BTBD9: variants seen among roughly 807,000 people sequenced by gnomAD.
BTBD9 encodes the protein BTB domain containing 9.
In BTBD9, 49 loss-of-function variants were observed where a neutral mutation model predicts 64.3. The ratio of observed to expected loss-of-function variants is 0.76; its 90% CI spans 0.61 to 0.97. The LOEUF is 0.97. BTBD9 is among the 50% of genes least tolerant of loss of function. BTBD9 has a pLI of 0.00. For missense variants in BTBD9, 598 were observed against 762.1 expected (o/e 0.78, Z 2.53); for synonymous variants, 260 against 274.7 (o/e 0.95, Z 0.53).
chr6:38,632,461 A>C (rs945900494), intron 1 of BTBD9, among the ~76,000 whole-genome samples: 4 of 152,262 alleles, frequency 2.6e-5, no homozygotes, highest in African/African-American at 9.6e-5. Context: ...GGAGGAAATA[A>C]GTAATGTGCA....
chr6:38,594,002 C>A lies in BTBD9; in HGVS notation c.511G>T (p.Glu171Ter). Residue 171 changes from glutamate (E) to a stop codon, truncating the protein, a stop_gained, in exon 3 of 11, where the codon GAA becomes TAA. Transcript: ENST00000481247. LOFTEE classifies it high-confidence loss of function. ...AGGAAACCTTCACTTGAGAGGACTT[C>A]CTGAGCATTCCTATCCATAAACATG... ...CCMFMDRNAQEVLSSEGFLSL... is the reference protein window; with the variant it reads ...CCMFMDRNAQ 6.2e-7 allele frequency: 1 copy of A among 1,614,004 alleles called. No individual in the cohort carries two copies. Among genetic ancestry groups the A allele is most frequent in the Non-Finnish European group, 8.5e-7 (1 of 1,179,952 alleles).
At chr6:38,565,546 T>G (rs532034803) in intron 6 of BTBD9, among the ~76,000 whole-genome samples, 59 of 150,644 alleles carry the variant, frequency 3.9e-4, no homozygotes, top group Non-Finnish European at 7.5e-4. Flanking sequence ...AATTGTGATA[T>G]CTATCAACAA....
At chr6:38,254,713 T>C (rs1764516367) in intron 9 of BTBD9, among the ~76,000 whole-genome samples, 1 of 152,182 alleles carries the variant, frequency 6.6e-6, no homozygotes, top group African/African-American at 2.4e-5. Flanking sequence ...CATAATGATA[T>C]GCTACTTCGT....
intron 10 of BTBD9, among the ~76,000 whole-genome samples, chr6:38,189,428 A>C (rs1008373599): frequency 4.6e-5 from 7 of 152,358 alleles, no homozygotes; most frequent in Admixed American, 1.3e-4. Context: ...AGTATGCTGC[A>C]GTAAAGAACA....
intron 8 of BTBD9, among the ~76,000 whole-genome samples, chr6:38,261,401 A>ATTT (rs1157961680): frequency 2.6e-5 from 4 of 152,068 alleles, no homozygotes; most frequent in Non-Finnish European, 5.9e-5. Context: ...ATCTATACCA[A>ATTT]TTTATATTAA....
chr6:38,494,279 C>G (rs1288610713), intron 6 of BTBD9, among the ~76,000 whole-genome samples: 3 of 152,170 alleles, frequency 2.0e-5, no homozygotes, highest in Non-Finnish European at 4.4e-5. Flanking sequence ...CACATATTTT[C>G]AATATCAAAC....
chr6:38,356,117 T>A (rs912786786), intron 6 of BTBD9, among the ~76,000 whole-genome samples: 1 of 152,188 alleles, frequency 6.6e-6, no homozygotes, highest in Non-Finnish European at 1.5e-5. Context: ...AACCATGTCC[T>A]GCTCTTGGAG....
At chr6:38,361,524 C>G in intron 6 of BTBD9, among the ~76,000 whole-genome samples, 1 of 151,694 alleles carries the variant, frequency 6.6e-6, no homozygotes, top group East Asian at 1.9e-4. Context: ...GCCTGGGTAA[C>G]AGAACGAGAC....
At chr6:38,230,722 C>A (rs1435539781) in intron 9 of BTBD9, among the ~76,000 whole-genome samples, 1 of 152,138 alleles carries the variant, frequency 6.6e-6, no homozygotes, top group Non-Finnish European at 1.5e-5. Flanking sequence ...TGCACACATA[C>A]CATGTTAATT....
intron 6 of BTBD9, among the ~76,000 whole-genome samples, chr6:38,362,641 G>C (rs547234036): frequency 6.6e-6 from 1 of 152,290 alleles, no homozygotes; most frequent in South Asian, 2.1e-4. Context: ...CAATTAGACA[G>C]TGTTTCTTTC....
rs115562400 is a variant in BTBD9, at chr6:38,182,452, G to C, written c.1642-7270C>G. ...GAAACAAAAAAAGGGAAGTGTTCTT[G>C]TTCGCAGGCTTCTGGGATGCCTGAA... On this transcript the variant is annotated intron_variant, in intron 10 of 10. Coordinates refer to ENST00000481247, the MANE Select transcript of BTBD9 (RefSeq NM_001099272.2). 9.1e-3 allele frequency among the ~76,000 whole-genome samples: 1,383 copies of C among 152,286 alleles called. 23 individuals carry two copies. The highest frequency in any genetic ancestry group is 0.032 in the African/African-American group (1,316 of 41,546).
chr6:38,501,192 C>T (rs940156381), intron 6 of BTBD9, among the ~76,000 whole-genome samples: 5 of 152,112 alleles, frequency 3.3e-5, no homozygotes, highest in Admixed American at 6.5e-5. Flanking sequence ...ACACCTGACG[C>T]GAGTGTTAGT....
chr6:38,542,840 T>C (rs902092106), intron 6 of BTBD9, among the ~76,000 whole-genome samples: 2 of 152,222 alleles, frequency 1.3e-5, no homozygotes, highest in African/African-American at 4.8e-5. Context: ...AATGCAATCT[T>C]ATTTTGCTTA....
intron 6 of BTBD9, among the ~76,000 whole-genome samples, chr6:38,426,807 A>G (rs993826608): frequency 6.6e-6 from 1 of 151,910 alleles, no homozygotes; most frequent in Admixed American, 6.5e-5. Flanking sequence ...GGAATCCATG[A>G]GGCCAAGAAC....
intron 10 of BTBD9, chr6:38,179,882 A>T (rs1357379488): frequency 2.7e-5 from 12 of 450,090 alleles, no homozygotes; most frequent in Non-Finnish European, 5.4e-5. Context: ...AGGGGTTGGG[A>T]GGCAGGGAGG....
In BTBD9 at chr6:38,487,965, G is replaced by A. The variant is rs915854654; in HGVS notation, c.1154+89635C>T. On this transcript the variant is annotated intron_variant, in intron 6 of 10. Coordinates refer to ENST00000481247, the MANE Select transcript of BTBD9 (RefSeq NM_001099272.2). ...TCTGCTCTAGATCTTAAAAATGGGT[G>A]CACAAAGTATGAAATAGGTGTAATA... 2.6e-5 allele frequency among the ~76,000 whole-genome samples: 4 copies of A among 152,160 alleles called. No individual in the cohort carries two copies. The South Asian group carries it at 6.2e-4, about 24-fold the overall frequency.
At chr6:38,587,298 T>C in intron 4 of BTBD9, 1 of 396,518 alleles carries the variant, frequency 2.5e-6, no homozygotes, top group Non-Finnish European at 5.0e-6. Flanking sequence ...TAGGGTTGTA[T>C]AGATAGAACA....
At chr6:38,520,793 A>T (rs10947745) in intron 6 of BTBD9, among the ~76,000 whole-genome samples, 48,064 of 151,182 alleles carry the variant, frequency 0.32, 8,611 homozygotes, top group East Asian at 0.45. Flanking sequence ...TAAAAAATTT[A>T]AAAAAAAGCC....
At chr6:38,393,641 G>A (rs1381399046) in intron 6 of BTBD9, among the ~76,000 whole-genome samples, 4 of 152,122 alleles carry the variant, frequency 2.6e-5, no homozygotes, top group Non-Finnish European at 4.4e-5. Context: ...CATGGTCAAG[G>A]TACTTGCTAA....
Sources: allele counts gnomAD v4.1 joint callset (sites outside exome capture counted in the v4.1 genomes callset), GRCh38; gene constraint gnomAD v4.1.1; transcripts MANE v1.5; gene names NCBI Gene and HGNC (gene_info 2026-07-23, HGNC 2026-07-21).